Variants in RAB3D observed in about 807,000 individuals in gnomAD.
RAB3D encodes ras-related protein Rab-3D.
In RAB3D, 17 loss-of-function variants were observed where a neutral mutation model predicts 19.3. The ratio of observed to expected loss-of-function variants is 0.88; its 90% CI spans 0.60 to 1.32. The LOEUF (loss-of-function observed/expected upper bound fraction) is 1.32, where lower values mean the gene tolerates loss of function less well. Ranked by LOEUF, RAB3D falls within the 40% of genes most tolerant of loss-of-function variation. The pLI is 0.00. For synonymous variants in RAB3D, 103 were observed against 119.9 expected, an observed-to-expected ratio of 0.86 and a Z score of 0.92; for missense variants, 223 against 299.1, an observed-to-expected ratio of 0.75 and a Z score of 1.88.
At chr19:11,335,136 G>C (rs2080847733) in intron 4 of RAB3D, among the ~76,000 whole-genome samples, 1 of 152,218 alleles carries the variant, frequency 6.6e-6, no homozygotes, top group South Asian at 2.1e-4. Context: ...ACACCTGGGG[G>C]GGATCTGTAG....
chr19:11,335,841 T>C (rs1244231544), intron 2 of RAB3D, 58 bp from the exon 3 acceptor site: 1 of 1,503,018 alleles, frequency 6.7e-7, no homozygotes, highest in African/African-American at 1.4e-5. Flanking sequence ...TCCACCCCTG[T>C]CTTAGAGGGG....
At position 11,337,278 on chromosome 19, in the gene RAB3D, C is replaced by T. The variant is rs1370059360; in HGVS notation, c.122G>A (p.Arg41Gln). 13 of 1,613,956 alleles carry T rather than the reference C, an allele frequency of 8.1e-6. No homozygotes were observed. The highest frequency in any genetic ancestry group is 2.7e-5 in the African/African-American group (2 of 74,892). Residue 41 changes from arginine to glutamine, a missense_variant, in exon 2 of 5, where the codon CGA (arginine) becomes CAA (glutamine). Coordinates refer to ENST00000222120, the MANE Select transcript of RAB3D (RefSeq NM_004283.4). The stretch of plus-strand genomic sequence containing the variant: ...GGGAGTGAAGGAGTCGTCCGCGTAT[C>T]GGAACAGGAAGGAAGTCTTGCCCAC... ...SSVGKTSFLFRYADDSFTPAF... is the reference protein window; with the variant it reads ...SSVGKTSFLFQYADDSFTPAF...
At position 11,323,971 on chromosome 19, in the gene RAB3D, A is replaced by C. The variant is rs1061327; in HGVS notation, c.*1427T>G. The C allele has an allele frequency of 6.6e-6, 1 of 152,100 alleles. No homozygotes were observed. Among genetic ancestry groups the C allele is most frequent in the African/African-American group, 2.4e-5 (1 of 41,398 alleles). The allele number at this position is 152,100 out of a possible 1,614,324, so 9.4% of individuals were successfully genotyped here. ...CCGGAGGTCAAGATGTACATCTTCA[A>C]ACTGCACACGTAACCTCTGAGCAGA... is the stretch of plus-strand genomic sequence containing the variant. On this transcript the variant is annotated 3_prime_UTR_variant, in exon 5 of 5. Transcript: ENST00000222120.
intron 4 of RAB3D, among the ~76,000 whole-genome samples, chr19:11,334,568 C>T (rs1471250266): frequency 2.6e-5 from 4 of 151,950 alleles, no homozygotes; most frequent in Non-Finnish European, 5.9e-5. Flanking sequence ...GAGGGAGGAT[C>T]ACTTAAGGTC....
intron 4 of RAB3D, among the ~76,000 whole-genome samples, chr19:11,329,660 T>C (rs1022076850): frequency 1.3e-5 from 2 of 151,832 alleles, no homozygotes; most frequent in East Asian, 3.9e-4. Context: ...TCAAATTCTG[T>C]GTCCTGCTTT....
intron 4 of RAB3D, chr19:11,327,005 G>A: frequency 2.1e-6 from 1 of 480,388 alleles, no homozygotes; most frequent in Non-Finnish European, 3.7e-6. Flanking sequence ...AGGTAAGCCA[G>A]GAATTCAGAC....
chr19:11,334,043 T>C (rs1290470258), intron 4 of RAB3D, among the ~76,000 whole-genome samples: 2 of 152,150 alleles, frequency 1.3e-5, no homozygotes, highest in Non-Finnish European at 2.9e-5. Context: ...CATTTATGCA[T>C]TGTCTGTGGC....
chr19:11,333,442 C>T (rs1361099611), intron 4 of RAB3D, among the ~76,000 whole-genome samples: 1 of 152,074 alleles, frequency 6.6e-6, no homozygotes, highest in Non-Finnish European at 1.5e-5. Context: ...AGGGTATATA[C>T]AGTAGGGAAC....
intron 4 of RAB3D, 119 bp downstream of exon 4, chr19:11,335,328 G>A (rs1200349529): frequency 7.1e-7 from 1 of 1,402,398 alleles, no homozygotes; most frequent in South Asian, 1.3e-5. Flanking sequence ...CATACACATG[G>A]GTATCTTCCT....
In RAB3D at chr19:11,323,522, T is replaced by G. The variant is rs1177879656; in HGVS notation, c.*1876A>C. ...AGGAGAATCGCTTGAACCCTGGAGG[T>G]GGAGGTTGCAGTAAGCTGAGATTGT... is the stretch of plus-strand genomic sequence containing the variant. On this transcript the variant is annotated 3_prime_UTR_variant, in exon 5 of 5. Transcript: ENST00000222120. The G allele has an allele frequency of 6.6e-6, 1 of 151,802 alleles. No homozygotes were observed. Among genetic ancestry groups the G allele is most frequent in the Non-Finnish European group, 1.5e-5 (1 of 67,978 alleles). The allele number at this position is 151,802 out of a possible 1,614,324, so 9.4% of individuals were successfully genotyped here.
At chr19:11,333,668 T>C (rs1465831202) in intron 4 of RAB3D, among the ~76,000 whole-genome samples, 1 of 151,886 alleles carries the variant, frequency 6.6e-6, no homozygotes, top group Non-Finnish European at 1.5e-5. Flanking sequence ...TAAAAACTGA[T>C]TGCAAGCATC....
rs2080805175 is a variant in RAB3D at position 11,325,306 on chromosome 19, C to T, written c.*92G>A. The T allele has an allele frequency of 2.0e-5, 16 of 797,094 alleles. No homozygotes were observed. The East Asian group carries it at 4.3e-4, about 22-fold the overall frequency. The allele number at this position is 797,094 out of a possible 1,614,324, so 49.4% of individuals were successfully genotyped here. On this transcript the variant is annotated 3_prime_UTR_variant, in exon 5 of 5. Coordinates refer to ENST00000222120, the MANE Select transcript of RAB3D (RefSeq NM_004283.4). ...GCAGTTGACAGGAGGGAAGGGATTG[C>T]CCTGAGCTTGGAGATAACCACTGTG...
chr19:11,334,341 C>T (rs546325625), intron 4 of RAB3D, among the ~76,000 whole-genome samples: 2 of 152,216 alleles, frequency 1.3e-5, no homozygotes, highest in East Asian at 1.9e-4. Context: ...ATGCTGCGCA[C>T]ACCTGTAATC....
In RAB3D at chr19:11,335,770, T is replaced by C. The variant is rs771341011; in HGVS notation, c.242A>G (p.Gln81Arg). Reference sequence around the variant, plus strand: ...CGTGGTGATGGTGCGGTAGCGCTCCTGGCCCGCTGTGTCCTGGACAAATGG... The same window carrying C: ...CGTGGTGATGGTGCGGTAGCGCTCCCGGCCCGCTGTGTCCTGGACAAATGG... ...IKLQIWDTAGQERYRTITTAY... is the reference protein window; with the variant it reads ...IKLQIWDTAGRERYRTITTAY... The change falls in exon 3 of 5, where the codon CAG becomes CGG. Residue 81 changes from glutamine (Q) to arginine (R), a missense_variant. Gln to Arg is a conservative substitution (Grantham distance 43). Transcript: ENST00000222120. 6.2e-7 allele frequency: 1 copy of C among 1,614,176 alleles called. No homozygotes were observed. Among genetic ancestry groups the C allele is most frequent in the Non-Finnish European group, 8.5e-7 (1 of 1,180,000 alleles).
Position 11,337,355 on chromosome 19 carries a change from T to G in RAB3D, c.45A>C (p.Ala15=). 6.2e-7 allele frequency: 1 copy of G among 1,614,172 alleles called. No individual in the cohort carries two copies. Among genetic ancestry groups the G allele is most frequent in the Non-Finnish European group, 8.5e-7 (1 of 1,180,020 alleles). Residue 15 remains alanine, a synonymous_variant, in exon 2 of 5, where the codon GCA becomes GCC. Transcript: ENST00000222120. ...TGAACATATAGTCGAAGTTCTGATC[T>G]GCTGCATCCCGTGGGCCTGCCTGGG... is the stretch of plus-strand genomic sequence containing the variant. ...GDTQAGPRDA[A]DQNFDYMFKL...
intron 4 of RAB3D, among the ~76,000 whole-genome samples, chr19:11,334,042 A>AT (rs1329912286): frequency 6.6e-6 from 1 of 152,132 alleles, no homozygotes; most frequent in Non-Finnish European, 1.5e-5. Context: ...TCATTTATGC[A>AT]TTGTCTGTGG....
In RAB3D at chr19:11,335,659, A is replaced by T; in HGVS notation, c.347+6T>A. 6.2e-7 allele frequency: 1 copy of T among 1,613,844 alleles called. No homozygotes were observed. Among genetic ancestry groups the T allele is most frequent in the East Asian group, 2.2e-5 (1 of 44,862 alleles). On this transcript the variant is annotated splice_donor_region_variant and intron_variant, in intron 3 of 4. Transcript: ENST00000222120. ...GATCAGGGGTCCATGATCAGCAAGC[A>T]CTCACCAGTCCTGCACAGCGGCAAA...
rs141474617 is a variant in RAB3D at position 11,326,492 on chromosome 19, A to C, written c.473-907T>G. Reference sequence around the variant, plus strand: ...AGTATAGGTGGGAGGGTACATGAAGAGTTCTGCTGCCCTGCGGCCATGGCA... The same window carrying C: ...AGTATAGGTGGGAGGGTACATGAAGCGTTCTGCTGCCCTGCGGCCATGGCA... On this transcript the variant is annotated intron_variant, in intron 4 of 4. Coordinates refer to ENST00000222120, the MANE Select transcript of RAB3D (RefSeq NM_004283.4). 9.9e-3 allele frequency among the ~76,000 whole-genome samples: 1,513 copies of C among 152,318 alleles called. 14 individuals are homozygous for C. Among genetic ancestry groups the C allele is most frequent in the Non-Finnish European group, 0.017 (1,146 of 68,030 alleles).
At chr19:11,338,363 G>A (rs59494980) in intron 1 of RAB3D, among the ~76,000 whole-genome samples, 10,716 of 152,230 alleles carry the variant, frequency 0.07, 672 homozygotes, top group African/African-American at 0.17. Flanking sequence ...GTGTGCAGCC[G>A]GTGTGGCCCA....
Sources: allele counts gnomAD v4.1 joint callset (sites outside exome capture counted in the v4.1 genomes callset), GRCh38; gene constraint gnomAD v4.1.1; transcripts MANE v1.5; gene names NCBI Gene and HGNC (gene_info 2026-07-23, HGNC 2026-07-21).